Variants in PTGES3L observed in about 807,000 individuals in gnomAD.
The protein encoded by PTGES3L is putative protein PTGES3L.
A neutral mutation model predicts 25.0 loss-of-function variants in PTGES3L; 17 were observed. The ratio of observed to expected loss-of-function variants is 0.68; its 90% CI spans 0.47 to 1.02. PTGES3L has a LOEUF of 1.02. Ranked by LOEUF, PTGES3L falls within the 50% of genes least tolerant of loss-of-function variation. The pLI, the probability that PTGES3L is intolerant of heterozygous loss-of-function variation, is 0.00. For synonymous variants in PTGES3L, 59 were observed against 65.7 expected, an observed-to-expected ratio of 0.90 and a Z score of 0.50; for missense variants, 202 against 197.5, an observed-to-expected ratio of 1.02 and a Z score of -0.14.
intron 4 of PTGES3L, among the ~76,000 whole-genome samples, chr17:42,972,468 G>A (rs866144744): frequency 9.3e-4 from 141 of 151,872 alleles, no homozygotes; most frequent in Non-Finnish European, 1.4e-3. Context: ...GAGTGCCTGC[G>A]ATTGCAGGCA....
At position 42,969,188 on chromosome 17, in the gene PTGES3L, TGGGGGCG is replaced by T; in HGVS notation, c.433-9_433-3del. Reference sequence around the variant, plus strand: ...ATCATCAGCACTGTCAGAATCATCCTGGGGGCGGGGGGGAAAAAAGACAAAGCACCTG... The same window carrying T: ...ATCATCAGCACTGTCAGAATCATCCTGGGGGGAAAAAAGACAAAGCACCTG... On this transcript the variant is annotated splice_polypyrimidine_tract_variant and splice_region_variant and intron_variant, in intron 6 of 6. Transcript: ENST00000591916. The T allele has an allele frequency of 9.9e-7, 1 of 1,011,810 alleles. No homozygotes were observed. The highest frequency in any genetic ancestry group is 1.4e-6 in the Non-Finnish European group (1 of 737,398). 62.7% of individuals were successfully genotyped at this position (1,011,810 alleles called of 1,614,324 possible). A position where few individuals can be genotyped will look rare whatever the true frequency, so the allele number is the denominator to read the frequency against.
chr17:42,979,808 T>C, intron 1 of PTGES3L, 145 bp from the exon 2 acceptor site: 1 of 1,416,904 alleles, frequency 7.1e-7, no homozygotes, highest in Non-Finnish European at 9.5e-7. Context: ...GGGAAGGGAA[T>C]GACAGGAGTG....
Position 42,969,898 on chromosome 17 carries a change from G to A in PTGES3L, c.432+391C>T, listed in dbSNP as rs532269688. Among the ~76,000 whole-genome samples the A allele has an allele frequency of 1.4e-3, 217 of 151,726 alleles. 1 individual carries two copies. Among genetic ancestry groups the A allele is most frequent in the African/African-American group, 4.7e-3 (195 of 41,402 alleles). On this transcript the variant is annotated intron_variant, in intron 6 of 6. Transcript: ENST00000591916. ...TCCCAATACTTTGGGAGGCCGAGGC[G>A]GGTGGATCACCTCAGGCCAGGAGTT...
At chr17:42,969,924 C>T (rs1055029380) in intron 6 of PTGES3L, among the ~76,000 whole-genome samples, 1 of 151,410 alleles carries the variant, frequency 6.6e-6, no homozygotes, top group Non-Finnish European at 1.5e-5. Flanking sequence ...GCCAGGAGTT[C>T]GAGACCAGCC....
At chr17:42,980,019 G>T (rs1316047220) in intron 1 of PTGES3L, 27 bp downstream of exon 1, 6 of 1,544,984 alleles carry the variant, frequency 3.9e-6, no homozygotes, top group Non-Finnish European at 4.4e-6. Context: ...AAGGGCCAGG[G>T]GGAGCACCGG....
intron 4 of PTGES3L, among the ~76,000 whole-genome samples, chr17:42,977,170 A>T (rs2151951616): frequency 6.6e-6 from 1 of 152,286 alleles, no homozygotes; most frequent in South Asian, 2.1e-4. Context: ...TTACACCTGT[A>T]ATCCCAGCAC....
intron 4 of PTGES3L, among the ~76,000 whole-genome samples, chr17:42,972,941 C>G (rs1172485684): frequency 6.7e-6 from 1 of 149,410 alleles, no homozygotes; most frequent in Non-Finnish European, 1.5e-5. Context: ...GGCCACCCAT[C>G]GTCTGAGATG....
chr17:42,971,676 G>A lies in PTGES3L; in HGVS notation c.309C>T (p.Asp103=). 1 of 1,614,052 alleles carries A rather than the reference G, an allele frequency of 6.2e-7. No individual in the cohort carries two copies. The highest frequency in any genetic ancestry group is 8.5e-7 in the Non-Finnish European group (1 of 1,179,978). The part of the protein sequence containing the change: ...EDIKPVWLSV[D]FDNWRDWEGD... Reference sequence around the variant, plus strand: ...CTTCCCAGTCTCTCCAGTTATCAAAGTCCACAGACAGCCACACTGGCTGCA... The same window carrying A: ...CTTCCCAGTCTCTCCAGTTATCAAAATCCACAGACAGCCACACTGGCTGCA... The change falls in exon 5 of 7, where the codon GAC becomes GAT. Residue 103 remains aspartate, a synonymous_variant. Transcript: ENST00000591916.
At chr17:42,977,975 G>A (rs1211286245) in intron 4 of PTGES3L, among the ~76,000 whole-genome samples, 1 of 144,930 alleles carries the variant, frequency 6.9e-6, no homozygotes, top group Non-Finnish European at 1.5e-5. Context: ...CTACTCGGGA[G>A]ACTGAGGCAG....
At position 42,969,897 on chromosome 17, in the gene PTGES3L, C is replaced by T. The variant is rs183111683; in HGVS notation, c.432+392G>A. On this transcript the variant is annotated intron_variant, in intron 6 of 6. Transcript: ENST00000591916. The stretch of plus-strand genomic sequence containing the variant: ...ATCCCAATACTTTGGGAGGCCGAGG[C>T]GGGTGGATCACCTCAGGCCAGGAGT... 1.1e-4 allele frequency among the ~76,000 whole-genome samples: 17 copies of T among 151,630 alleles called. No homozygotes were observed. The South Asian group carries it at 1.7e-3, about 15-fold the overall frequency.
chr17:42,974,937 C>A (rs1318704006), intron 4 of PTGES3L, among the ~76,000 whole-genome samples: 3 of 151,634 alleles, frequency 2.0e-5, no homozygotes. Flanking sequence ...GGGTTCGAGA[C>A]CAGCCTAGGG....
intron 4 of PTGES3L, among the ~76,000 whole-genome samples, chr17:42,975,504 G>A (rs1006268694): frequency 6.6e-6 from 1 of 152,136 alleles, no homozygotes; most frequent in African/African-American, 2.4e-5. Context: ...ATGTGCTAGT[G>A]TGTTATGTAA....
rs769365249 is a variant in PTGES3L, at chr17:42,969,189, G to A, written c.433-3C>T. The A allele has an allele frequency of 3.8e-6, 3 of 792,322 alleles. No homozygotes were observed. Among genetic ancestry groups the A allele is most frequent in the Non-Finnish European group, 3.5e-6 (2 of 569,896 alleles). The allele number at this position is 792,322 out of a possible 1,614,324, so 49.1% of individuals were successfully genotyped here. On this transcript the variant is annotated splice_polypyrimidine_tract_variant and splice_region_variant and intron_variant, in intron 6 of 6. Coordinates refer to ENST00000591916, the MANE Select transcript of PTGES3L (RefSeq NM_001261430.2). ...TCATCAGCACTGTCAGAATCATCCT[G>A]GGGGCGGGGGGGAAAAAAGACAAAG...
rs758962876 is a variant in PTGES3L at position 42,979,253 on chromosome 17, G to C, written c.205C>G (p.Arg69Gly). ...AAACAAGTAATAGAGCGGGAAGAGCGCTTATCCTGGGAGTCCTGCCAGATA... is the reference window on the plus strand; with the variant it reads ...AAACAAGTAATAGAGCGGGAAGAGCCCTTATCCTGGGAGTCCTGCCAGATA... ...KVNSKDSQDK[R>G]SSRSITCFVR... The change falls in exon 4 of 7, where the codon CGC becomes GGC. Residue 69 changes from arginine (R) to glycine (G), a missense_variant. Arg to Gly is a moderately radical substitution (Grantham distance 125). Coordinates refer to ENST00000591916, the MANE Select transcript of PTGES3L (RefSeq NM_001261430.2). The C allele has an allele frequency of 1.9e-6, 3 of 1,613,994 alleles. No individual in the cohort carries two copies. The highest frequency in any genetic ancestry group is 2.7e-5 in the African/African-American group (2 of 74,910).
rs367859964 is a variant in PTGES3L, at chr17:42,978,363, C to A, written c.288+807G>T. Among the ~76,000 whole-genome samples, 3 of 151,002 alleles carry A rather than the reference C, an allele frequency of 2.0e-5. No homozygotes were observed. The East Asian group carries it at 5.9e-4, about 30-fold the overall frequency. ...TGGATGTTGCAGTGGGCCAAGATCGCGCCACTGCACTCCAGCCTGTGCTAC... is the reference window on the plus strand; with the variant it reads ...TGGATGTTGCAGTGGGCCAAGATCGAGCCACTGCACTCCAGCCTGTGCTAC... On this transcript the variant is annotated intron_variant, in intron 4 of 6. Transcript: ENST00000591916.
chr17:42,979,020 A>C, intron 4 of PTGES3L, 150 bp downstream of exon 4: 1 of 813,056 alleles, frequency 1.2e-6, no homozygotes, highest in Non-Finnish European at 2.0e-6. Context: ...AAATAAATAA[A>C]AATAAAAAGA....
intron 4 of PTGES3L, among the ~76,000 whole-genome samples, chr17:42,973,492 G>A (rs1161438061): frequency 2.6e-5 from 4 of 151,996 alleles, no homozygotes; most frequent in Non-Finnish European, 5.9e-5. Context: ...TCTGGGAGGT[G>A]TGCCCAACAG....
intron 4 of PTGES3L, among the ~76,000 whole-genome samples, chr17:42,978,077 C>CAAAAAAAAAAAAAAAAAAAAAAAAAAAA (rs368420097): frequency 2.1e-5 from 1 of 47,402 alleles, no homozygotes; most frequent in Admixed American, 3.9e-4. Flanking sequence ...AACTCCGAAT[C>CAAAAAAAAAAAAAAAAAAAAAAAAAAAA]AAAAAAAAAA....
At chr17:42,973,383 C>G in intron 4 of PTGES3L, among the ~76,000 whole-genome samples, 1 of 145,580 alleles carries the variant, frequency 6.9e-6, no homozygotes, top group Admixed American at 6.8e-5. Flanking sequence ...GGGGTCAGCC[C>G]CCTGCCCGGC....
Sources: gnomAD v4.1 joint callset for allele counts (sites outside exome capture counted in the v4.1 genomes callset) on GRCh38, gnomAD v4.1.1 for gene constraint, MANE v1.5 for transcripts, NCBI Gene and HGNC (gene_info 2026-07-23, HGNC 2026-07-21) for gene names.